The following SMOC1 variants were observed in gnomAD, a reference collection of about 807,000 sequenced individuals.
SMOC1 encodes the protein SPARC-related modular calcium-binding protein 1.
In SMOC1, 22 loss-of-function variants were observed where a neutral mutation model predicts 56.3. That is an observed-to-expected ratio of 0.39 (90% confidence interval 0.28 to 0.56). SMOC1 has a LOEUF of 0.56. Among genes scored for constraint, SMOC1 ranks in the 20% least tolerant of loss-of-function variants. SMOC1 has a pLI of 0.61. For missense variants in SMOC1, 509 were observed against 565.4 expected (o/e 0.90, Z 1.01); for synonymous variants, 193 against 215.0 (o/e 0.90, Z 0.89).
chr14:69,953,430 G>A lies in SMOC1; in HGVS notation c.276G>A (p.Gln92=). ...CCTCTCCTCTTTCAGATGCTGGCCA[G>A]AGCAAGTGTCGCCTGGAGCGGGCTC... ...VHRGRCKDAG[Q]SKCRLERAQA... The change falls in exon 3 of 12, where the codon CAG becomes CAA. Residue 92 remains glutamine, a synonymous_variant. Transcript: ENST00000361956. 3 of 1,614,210 alleles carry A rather than the reference G, an allele frequency of 1.9e-6. No homozygotes were observed. Among genetic ancestry groups the A allele is most frequent in the South Asian group, 1.1e-5 (1 of 91,086 alleles).
At chr14:70,005,557 G>A (rs958390630) in intron 7 of SMOC1, among the ~76,000 whole-genome samples, 1 of 152,210 alleles carries the variant, frequency 6.6e-6, no homozygotes, top group Non-Finnish European at 1.5e-5. Context: ...TGGTGACAAG[G>A]GGTGGACATG....
chr14:69,956,984 C>CT (rs5809452), intron 3 of SMOC1, among the ~76,000 whole-genome samples: 52,370 of 152,036 alleles, frequency 0.34, 9,389 homozygotes, highest in African/African-American at 0.42. Flanking sequence ...CTTCATCACT[C>CT]TGTTTCTCGA....
chr14:69,994,396 C>T lies in SMOC1; in HGVS notation c.584-4C>T. On this transcript the variant is annotated splice_region_variant and splice_polypyrimidine_tract_variant and intron_variant, in intron 6 of 11. Coordinates refer to ENST00000361956, the MANE Select transcript of SMOC1 (RefSeq NM_001034852.3). ...TTTTTCTCTCTCCTTTTCCTCACCC[C>T]TAGAAATCACAGCCCCAACTCTATG... 6.2e-7 allele frequency: 1 copy of T among 1,613,000 alleles called. No homozygotes were observed. Among genetic ancestry groups the T allele is most frequent in the South Asian group, 1.1e-5 (1 of 91,056 alleles).
intron 10 of SMOC1, among the ~76,000 whole-genome samples, chr14:70,020,446 C>T (rs1321926420): frequency 1.3e-5 from 2 of 152,160 alleles, no homozygotes; most frequent in Non-Finnish European, 2.9e-5. Context: ...GTTGTTTTGG[C>T]AGCCGAAGGA....
chr14:69,885,376 C>CT, intron 1 of SMOC1: 3 of 1,597,626 alleles, frequency 1.9e-6, no homozygotes, highest in Non-Finnish European at 2.5e-6. Flanking sequence ...TAGCCTTTGC[C>CT]TTTTTGCGCT....
chr14:69,960,688 A>G (rs1883339627), intron 3 of SMOC1, among the ~76,000 whole-genome samples: 1 of 152,164 alleles, frequency 6.6e-6, no homozygotes, highest in African/African-American at 2.4e-5. Context: ...TTTTCAGTGA[A>G]TTGCTTTTGT....
chr14:69,983,502 G>T (rs1380434), intron 5 of SMOC1, among the ~76,000 whole-genome samples: 1 of 152,078 alleles, frequency 6.6e-6, no homozygotes. Context: ...CAGCGGAGCA[G>T]CAGGCTTCTG....
intron 10 of SMOC1, among the ~76,000 whole-genome samples, chr14:70,020,633 T>C (rs1336965371): frequency 6.6e-6 from 1 of 152,120 alleles, no homozygotes; most frequent in Non-Finnish European, 1.5e-5. Context: ...CTCAGCCCAG[T>C]GGCTCAGCTG....
intron 7 of SMOC1, among the ~76,000 whole-genome samples, chr14:70,007,321 T>C (rs543105541): frequency 2.0e-5 from 3 of 152,216 alleles, no homozygotes; most frequent in Non-Finnish European, 4.4e-5. Flanking sequence ...GTCTGGCCCA[T>C]GGTAAATACT....
intron 3 of SMOC1, among the ~76,000 whole-genome samples, chr14:69,968,640 C>G (rs1883654311): frequency 6.6e-6 from 1 of 152,218 alleles, no homozygotes; most frequent in African/African-American, 2.4e-5. Context: ...TCCAAAAACC[C>G]TGCTATCCGA....
intron 1 of SMOC1, among the ~76,000 whole-genome samples, chr14:69,948,623 C>T (rs1882878049): frequency 6.6e-6 from 1 of 152,168 alleles, no homozygotes; most frequent in African/African-American, 2.4e-5. Context: ...GCAGCATAGG[C>T]AACTAGGCAA....
chr14:69,894,184 A>T (rs774043809), intron 1 of SMOC1, among the ~76,000 whole-genome samples: 1 of 152,202 alleles, frequency 6.6e-6, no homozygotes, highest in South Asian at 2.1e-4. Flanking sequence ...CATCAAATAT[A>T]CAGTGTCTTT....
At chr14:69,881,347 G>A (rs1280821973) in intron 1 of SMOC1, among the ~76,000 whole-genome samples, 1 of 152,128 alleles carries the variant, frequency 6.6e-6, no homozygotes, top group African/African-American at 2.4e-5. Flanking sequence ...CCACAGGAGG[G>A]TCGAAAGGAG....
chr14:70,019,922 T>C (rs1036795435), intron 10 of SMOC1, among the ~76,000 whole-genome samples: 30 of 152,348 alleles, frequency 2.0e-4, no homozygotes, highest in Admixed American at 1.1e-3. Context: ...CAACTTCATC[T>C]GTGACTTAAG....
intron 5 of SMOC1, among the ~76,000 whole-genome samples, chr14:69,980,497 C>T (rs1884138888): frequency 6.6e-6 from 1 of 152,202 alleles, no homozygotes; most frequent in Non-Finnish European, 1.5e-5. Context: ...TCTTTGTCTG[C>T]TATGGGCAGC....
At chr14:69,901,058 C>A (rs1456584682) in intron 1 of SMOC1, among the ~76,000 whole-genome samples, 1 of 152,176 alleles carries the variant, frequency 6.6e-6, no homozygotes. Context: ...CCATGGAAGA[C>A]CAAGTCTTAA....
intron 1 of SMOC1, among the ~76,000 whole-genome samples, chr14:69,909,076 A>G (rs1478205636): frequency 2.6e-5 from 4 of 151,610 alleles, no homozygotes; most frequent in Non-Finnish European, 5.9e-5. Flanking sequence ...CTATGGGTGG[A>G]CTCCTTCAGG....
In SMOC1 at chr14:70,010,896, C is replaced by T. The variant is rs1885310966; in HGVS notation, c.807C>T (p.Cys269=). 2 of 1,613,548 alleles carry T rather than the reference C, an allele frequency of 1.2e-6. No individual in the cohort carries two copies. The highest frequency in any genetic ancestry group is 1.3e-5 in the African/African-American group (1 of 74,916). The change falls in exon 8 of 12, where the codon TGC becomes TGT. Residue 269 remains cysteine (C), a synonymous_variant. Coordinates refer to ENST00000361956, the MANE Select transcript of SMOC1 (RefSeq NM_001034852.3). ...PVQCHQSTGY[C]WCVLVDTGRP... ...AATGCCACCAGTCCACTGGCTACTGCTGGTGTGTGCTGGTGGACACAGGGC... is the reference window on the plus strand; with the variant it reads ...AATGCCACCAGTCCACTGGCTACTGTTGGTGTGTGCTGGTGGACACAGGGC...
At chr14:70,004,460 G>A (rs1484143163) in intron 7 of SMOC1, among the ~76,000 whole-genome samples, 2 of 152,188 alleles carry the variant, frequency 1.3e-5, no homozygotes, top group African/African-American at 2.4e-5. Flanking sequence ...TCCAATCAGT[G>A]GAAGGGCTTA....
Sources: allele counts gnomAD v4.1 joint callset (sites outside exome capture counted in the v4.1 genomes callset), GRCh38; gene constraint gnomAD v4.1.1; transcripts MANE v1.5; gene names NCBI Gene and HGNC (gene_info 2026-07-23, HGNC 2026-07-21).